The following UBAP1 variants were observed in gnomAD, a reference collection of about 807,000 sequenced individuals.
UBAP1 encodes the protein ubiquitin-associated protein 1.
A neutral mutation model predicts 39.0 loss-of-function variants in UBAP1; 5 were observed. That is an observed-to-expected ratio of 0.13 (90% CI 0.07 to 0.27). UBAP1 has a LOEUF of 0.27. UBAP1 is among the 10% of genes least tolerant of loss of function. The probability of loss-of-function intolerance (pLI) is 1.00; values close to 1 mark genes in which losing one functional copy is unlikely to be tolerated. For missense variants in UBAP1, 490 were observed against 608.1 expected, an observed-to-expected ratio of 0.81 and a Z score of 2.04; for synonymous variants, 211 against 225.1, an observed-to-expected ratio of 0.94 and a Z score of 0.56.
At chr9:34,235,824 ATCTTTTTTTTTTTTTT>A (rs1252129996) in intron 3 of UBAP1, among the ~76,000 whole-genome samples, 2 of 148,000 alleles carry the variant, frequency 1.4e-5, no homozygotes, top group Non-Finnish European at 3.0e-5. Context: ...ACCATTTTTA[ATCTTTTTTTTTTTTTT>A]TCTTTTTTTG....
At position 34,241,276 on chromosome 9, in the gene UBAP1, C is replaced by T. The variant is rs147255865; in HGVS notation, c.251C>T (p.Ala84Val). Residue 84 changes from alanine to valine, a missense_variant, in exon 4 of 7, where the codon GCG (alanine) becomes GTG (valine). This residue lies in a region of UBAP1 where 144 missense variants were observed against 184.4 expected (regional missense o/e 0.78). Transcript: ENST00000297661. ...EAEREAECKI[A>V]EAEAKVNSKS... ...GAGCGGGAAGCAGAGTGCAAAATTG[C>T]GGAAGCAGAAGCTAAAGTGAATTCT... is the stretch of plus-strand genomic sequence containing the variant. 44 of 1,503,630 alleles carry T rather than the reference C, an allele frequency of 2.9e-5. No individual in the cohort carries two copies. The African/African-American group carries it at 3.5e-4, about 12-fold the overall frequency. 93.1% of individuals were successfully genotyped at this position (1,503,630 alleles called of 1,614,324 possible). A position where few individuals can be genotyped will look rare whatever the true frequency, so the allele number is the denominator to read the frequency against.
intron 1 of UBAP1, among the ~76,000 whole-genome samples, chr9:34,208,116 T>TA (rs1469932799): frequency 6.6e-6 from 1 of 152,244 alleles, no homozygotes; most frequent in Non-Finnish European, 1.5e-5. Flanking sequence ...AATGCTGAAT[T>TA]ATATCAGCAG....
At position 34,228,148 on chromosome 9, in the gene UBAP1, A is replaced by G. The variant is rs1424304993; in HGVS notation, c.35-6068A>G. On this transcript the variant is annotated intron_variant, in intron 2 of 6. Coordinates refer to ENST00000297661, the MANE Select transcript of UBAP1 (RefSeq NM_016525.5). The stretch of plus-strand genomic sequence containing the variant: ...TGTCTTAAAAAAGAAGCTGGGTGCG[A>G]TGGCTCACGCCTTTAATCCCAGCAC... Among the ~76,000 whole-genome samples the G allele has an allele frequency of 3.3e-5, 5 of 151,600 alleles. No homozygotes were observed. In the East Asian group the frequency reaches 7.8e-4, roughly 24 times the overall value.
chr9:34,188,938 CAA>C (rs900639014), intron 1 of UBAP1, among the ~76,000 whole-genome samples: 8 of 152,216 alleles, frequency 5.3e-5, no homozygotes, highest in African/African-American at 1.7e-4. Flanking sequence ...GCCTGGCCGA[CAA>C]GAGTGAAACT....
intron 1 of UBAP1, among the ~76,000 whole-genome samples, chr9:34,200,464 A>C (rs1054935889): frequency 6.6e-6 from 1 of 152,126 alleles, no homozygotes; most frequent in Non-Finnish European, 1.5e-5. Flanking sequence ...TGTTAGTGCT[A>C]TTACGGTTTT....
chr9:34,238,668 CTT>C (rs1182362662), intron 3 of UBAP1, among the ~76,000 whole-genome samples: 3 of 152,086 alleles, frequency 2.0e-5, no homozygotes, highest in Non-Finnish European at 2.9e-5. Flanking sequence ...TGTATGGAGA[CTT>C]TATTGGGCCA....
chr9:34,179,329 G>A, intron 1 of UBAP1, 89 bp downstream of exon 1: 1 of 973,226 alleles, frequency 1.0e-6, no homozygotes, highest in Non-Finnish European at 1.3e-6. Flanking sequence ...ACGGGATGGG[G>A]GGCCGAGCGA....
At chr9:34,238,092 C>T (rs1443236645) in intron 3 of UBAP1, among the ~76,000 whole-genome samples, 1 of 151,930 alleles carries the variant, frequency 6.6e-6, no homozygotes, top group Non-Finnish European at 1.5e-5. Flanking sequence ...CTGGCCATTT[C>T]ATATAAATGG....
Position 34,207,908 on chromosome 9 carries a change from A to C in UBAP1, c.-7-13000A>C, listed in dbSNP as rs373387559. ...TCTTATCTGAGTTTTTATGCTTTTT[A>C]TTTCTCCCATCTAATATGAAATAAC... On this transcript the variant is annotated intron_variant, in intron 1 of 6. Transcript: ENST00000297661. Among the ~76,000 whole-genome samples, 6 of 151,992 alleles carry C rather than the reference A, an allele frequency of 3.9e-5. No homozygotes were observed. The East Asian group carries it at 1.2e-3, about 29-fold the overall frequency.
intron 1 of UBAP1, among the ~76,000 whole-genome samples, chr9:34,218,424 A>G (rs373854677): frequency 1.3e-5 from 2 of 152,100 alleles, no homozygotes; most frequent in South Asian, 2.1e-4. Flanking sequence ...CTTTACCTCA[A>G]CAACAGTTGC....
At chr9:34,199,113 G>A (rs886324512) in intron 1 of UBAP1, among the ~76,000 whole-genome samples, 24 of 151,950 alleles carry the variant, frequency 1.6e-4, no homozygotes, top group South Asian at 2.1e-4. Context: ...TCGCTCTGTC[G>A]CGCAGGCTGG....
intron 1 of UBAP1, among the ~76,000 whole-genome samples, chr9:34,198,947 A>AT (rs1179851224): frequency 6.6e-6 from 1 of 152,216 alleles, no homozygotes; most frequent in Admixed American, 6.6e-5. Flanking sequence ...GGGAGTGCTT[A>AT]AGCCCTAGGC....
chr9:34,229,260 CT>C (rs1263815683), intron 2 of UBAP1, among the ~76,000 whole-genome samples: 2,125 of 141,278 alleles, frequency 0.015, 14 homozygotes, highest in Middle Eastern at 0.033. Flanking sequence ...GGATTTTTAT[CT>C]TTTTTTTTTT....
At chr9:34,221,263 T>C (rs1248429194) in intron 2 of UBAP1, among the ~76,000 whole-genome samples, 2 of 152,046 alleles carry the variant, frequency 1.3e-5, no homozygotes, top group Admixed American at 6.6e-5. Context: ...GGCGCGGTGG[T>C]TCAAGCCTGT....
rs549557238 is a variant in UBAP1, at chr9:34,181,705, T to C, written c.-8+2465T>C. 1.8e-4 allele frequency among the ~76,000 whole-genome samples: 27 copies of C among 148,652 alleles called. 2 individuals carry two copies. Among genetic ancestry groups the C allele is most frequent in the Admixed American group, 1.6e-3 (24 of 14,812 alleles). On this transcript the variant is annotated intron_variant, in intron 1 of 6. Coordinates refer to ENST00000297661, the MANE Select transcript of UBAP1 (RefSeq NM_016525.5). ...CCTTGGCCTCCCAAAGTGCTGGGAT[T>C]ACAGGCGTGAGCCACCGTGCCAGGC...
chr9:34,213,522 C>CA (rs1415083603), intron 1 of UBAP1, among the ~76,000 whole-genome samples: 1 of 151,772 alleles, frequency 6.6e-6, no homozygotes, highest in East Asian at 1.9e-4. Context: ...AAAACAAAAA[C>CA]AAAAAAACCC....
intron 2 of UBAP1, among the ~76,000 whole-genome samples, chr9:34,221,639 A>G (rs1209784581): frequency 1.3e-5 from 2 of 151,974 alleles, no homozygotes; most frequent in East Asian, 3.9e-4. Context: ...AATGCTTTAT[A>G]ATGTTTTAGT....
At chr9:34,203,793 TTA>T (rs758223423) in intron 1 of UBAP1, among the ~76,000 whole-genome samples, 10 of 152,290 alleles carry the variant, frequency 6.6e-5, no homozygotes, top group Non-Finnish European at 1.3e-4. Flanking sequence ...TGTTCCATCC[TTA>T]TATTGTTTTT....
intron 1 of UBAP1, among the ~76,000 whole-genome samples, chr9:34,182,616 C>CTTCT (rs61297759): frequency 0.024 from 2,605 of 110,590 alleles, 86 homozygotes; most frequent in African/African-American, 0.031. Context: ...TCTTTCTTTC[C>CTTCT]TTCTTTCTTT....
Sources: allele counts gnomAD v4.1 joint callset (sites outside exome capture counted in the v4.1 genomes callset), GRCh38; gene constraint gnomAD v4.1.1; regional missense constraint gnomAD v4.1.1; transcripts MANE v1.5; gene names NCBI Gene and HGNC (gene_info 2026-07-23, HGNC 2026-07-21).